SPTBN4: variants seen among roughly 807,000 people sequenced by gnomAD.
The protein encoded by SPTBN4 is spectrin beta, non-erythrocytic 4.
Under a neutral mutation model 277.8 loss-of-function variants are expected in SPTBN4, and 96 were observed. The observed-to-expected ratio is 0.35, with a 90% CI of 0.29 to 0.41. SPTBN4 has a LOEUF of 0.41. Among genes scored for constraint, SPTBN4 ranks in the 10% least tolerant of loss-of-function variants. The pLI is 1.00. For synonymous variants in SPTBN4, 1,481 were observed against 1,580.3 expected (o/e 0.94, Z 1.49); for missense variants, 3,006 against 3,595.7 (o/e 0.84, Z 4.19).
intron 32 of SPTBN4, 129 bp from the exon 33 acceptor site, chr19:40,570,307 C>A: frequency 1.9e-6 from 1 of 520,294 alleles, no homozygotes; most frequent in Non-Finnish European, 3.2e-6. Context: ...CCCTGAGGTC[C>A]TCCCATACTC....
chr19:40,554,108 C>T lies in SPTBN4; in HGVS notation c.4675-39C>T, dbSNP rs988766070. The T allele has an allele frequency of 3.3e-5, 46 of 1,407,522 alleles. No individual in the cohort carries two copies. Among genetic ancestry groups the T allele is most frequent in the Non-Finnish European group, 3.9e-5 (43 of 1,092,822 alleles). 87.2% of individuals were successfully genotyped at this position (1,407,522 alleles called of 1,614,324 possible). On this transcript the variant is annotated intron_variant, in intron 22 of 35. Coordinates refer to ENST00000598249, the MANE Select transcript of SPTBN4 (RefSeq NM_020971.3). This position sits in a 1 kb window ranked among gnomAD's most constrained non-coding sequence, Gnocchi z 5.7. ...TGTGGTCTTGCAGGGCCTCGGAACG[C>T]CCCCTCTCCACCCACATCCCCTTAC...
intron 13 of SPTBN4, among the ~76,000 whole-genome samples, chr19:40,512,324 G>T (rs1417563834): frequency 6.6e-6 from 1 of 152,192 alleles, no homozygotes; most frequent in Non-Finnish European, 1.5e-5. Flanking sequence ...ACAGACCCAG[G>T]TCCTGCCCTT....
At chr19:40,558,522 A>G (rs960490683) in intron 26 of SPTBN4, among the ~76,000 whole-genome samples, 10 of 152,320 alleles carry the variant, frequency 6.6e-5, no homozygotes, top group African/African-American at 2.4e-4. Context: ...TCAGATGGAA[A>G]TGAAGCTGCA....
intron 5 of SPTBN4, among the ~76,000 whole-genome samples, chr19:40,493,989 T>C (rs2145834006): frequency 6.6e-6 from 1 of 152,276 alleles, no homozygotes; most frequent in South Asian, 2.1e-4. Flanking sequence ...CACAGGAAAG[T>C]TCAAAGTCCT....
At chr19:40,552,228 AG>A (rs2080925528) in intron 22 of SPTBN4, among the ~76,000 whole-genome samples, 1 of 151,812 alleles carries the variant, frequency 6.6e-6, no homozygotes, top group Non-Finnish European at 1.5e-5. Context: ...GGCCGAGGCG[AG>A]TGGATCACGA....
intron 17 of SPTBN4, among the ~76,000 whole-genome samples, chr19:40,527,854 G>A (rs1402950895): frequency 6.6e-6 from 1 of 152,078 alleles, no homozygotes; most frequent in East Asian, 1.9e-4. Context: ...TCAGGAGTTC[G>A]AGACCAGCCT....
chr19:40,481,871 G>A (rs975993370), intron 2 of SPTBN4, among the ~76,000 whole-genome samples: 9 of 151,970 alleles, frequency 5.9e-5, no homozygotes, highest in Non-Finnish European at 1.2e-4. Flanking sequence ...CAACGAAGAA[G>A]GTGAAGCACA....
chr19:40,526,409 T>G (rs1333642113), intron 17 of SPTBN4, among the ~76,000 whole-genome samples: 1 of 152,012 alleles, frequency 6.6e-6, no homozygotes, highest in Non-Finnish European at 1.5e-5. Flanking sequence ...TGACTTCAAG[T>G]GATCCACCTG....
At position 40,519,359 on chromosome 19, in the gene SPTBN4, G is replaced by A; in HGVS notation, c.2904-42G>A. Reference sequence around the variant, plus strand: ...TCGGCGGGCCCTCCGCGCCCAAGAGGAGTCCCTGTCCTCCTCAAGTCACTC... The same window carrying A: ...TCGGCGGGCCCTCCGCGCCCAAGAGAAGTCCCTGTCCTCCTCAAGTCACTC... On this transcript the variant is annotated intron_variant, in intron 15 of 35. Transcript: ENST00000598249. This position sits in a 1 kb window ranked among gnomAD's most constrained non-coding sequence, Gnocchi z 5.7. The A allele has an allele frequency of 1.4e-6, 2 of 1,441,864 alleles. No homozygotes were observed. The highest frequency in any genetic ancestry group is 1.8e-6 in the Non-Finnish European group (2 of 1,097,556). The allele number at this position is 1,441,864 out of a possible 1,614,324, so 89.3% of individuals were successfully genotyped here.
At chr19:40,499,110 C>T (rs1269504167) in intron 7 of SPTBN4, among the ~76,000 whole-genome samples, 2 of 151,856 alleles carry the variant, frequency 1.3e-5, no homozygotes, top group Non-Finnish European at 2.9e-5. Context: ...CTCACTGCAA[C>T]CTCCGCCTCC....
intron 17 of SPTBN4, among the ~76,000 whole-genome samples, chr19:40,525,356 T>C (rs928449000): frequency 6.8e-6 from 1 of 147,024 alleles, no homozygotes; most frequent in African/African-American, 2.5e-5. Flanking sequence ...GGGATCTTAC[T>C]CTGTTGCCCA....
intron 20 of SPTBN4, among the ~76,000 whole-genome samples, chr19:40,541,336 C>T (rs1298729010): frequency 6.6e-6 from 1 of 152,162 alleles, no homozygotes; most frequent in Non-Finnish European, 1.5e-5. Context: ...TGATGGGTGC[C>T]AGAGGCAGGC....
intron 18 of SPTBN4, among the ~76,000 whole-genome samples, chr19:40,529,663 G>A (rs1326614624): frequency 6.6e-6 from 1 of 152,138 alleles, no homozygotes; most frequent in East Asian, 1.9e-4. Flanking sequence ...TTCCTTATTA[G>A]TGACGGTTCA....
intron 19 of SPTBN4, among the ~76,000 whole-genome samples, chr19:40,533,289 C>A (rs1364353272): frequency 6.6e-6 from 1 of 152,116 alleles, no homozygotes; most frequent in Non-Finnish European, 1.5e-5. Context: ...ACTTCCTGGG[C>A]TCTGTGCACA....
Position 40,570,422 on chromosome 19 carries a change from C to A in SPTBN4, c.7027-14C>A. On this transcript the variant is annotated splice_polypyrimidine_tract_variant and intron_variant, in intron 32 of 35. Coordinates refer to ENST00000598249, the MANE Select transcript of SPTBN4 (RefSeq NM_020971.3). ...TCCATGGACAGCACCCCTCTTCCCC[C>A]TCCCTTCACACAGCCGTCGCTGCCT... 2 of 1,553,004 alleles carry A rather than the reference C, an allele frequency of 1.3e-6. No individual in the cohort carries two copies. Among genetic ancestry groups the A allele is most frequent in the African/African-American group, 1.4e-5 (1 of 71,208 alleles).
chr19:40,554,206 G>GGGCGCGCT lies in SPTBN4; in HGVS notation c.4739_4746dup (p.Ser1583ArgfsTer65). On this transcript the variant is annotated frameshift_variant, in exon 23 of 36. Coordinates refer to ENST00000598249, the MANE Select transcript of SPTBN4 (RefSeq NM_020971.3). LOFTEE classifies it high-confidence loss of function. The surrounding 1 kb of genome is among the most constrained non-coding windows in gnomAD (Gnocchi z 5.7). ...GCCTGGAGGAGGTGCTGGAGCGCGC[G>GGGCGCGCT]GGCGCGCTGGCGTCGCTGCGCAGCC... is the stretch of plus-strand genomic sequence containing the variant. The GGGCGCGCT allele has an allele frequency of 6.7e-7, 1 of 1,483,034 alleles. No homozygotes were observed. Among genetic ancestry groups the GGGCGCGCT allele is most frequent in the Non-Finnish European group, 8.9e-7 (1 of 1,129,210 alleles). The allele number at this position is 1,483,034 out of a possible 1,614,324, so 91.9% of individuals were successfully genotyped here.
Position 40,506,304 on chromosome 19 carries a change from A to T in SPTBN4, c.1734A>T (p.Gly578=), listed in dbSNP as rs1178328444. ...CAGACGACCTGTTGCAGAAGCATGG[A>T]CTGCTGGAGGGAGACATTGCCGCCC... ...VEADDLLQKH[G]LLEGDIAAQS... The change falls in exon 13 of 36, where the codon GGA becomes GGT. Residue 578 remains glycine (G), a synonymous_variant. Transcript: ENST00000598249. The T allele has an allele frequency of 1.2e-6, 2 of 1,613,884 alleles. No homozygotes were observed. The highest frequency in any genetic ancestry group is 1.7e-6 in the Non-Finnish European group (2 of 1,179,886).
Position 40,560,213 on chromosome 19 carries a change from C to T in SPTBN4, c.5725C>T (p.His1909Tyr), listed in dbSNP as rs1271831598. Residue 1909 changes from histidine (H) to tyrosine (Y), a missense_variant, in exon 27 of 36, where the codon CAT becomes TAT. Physicochemically the swap from His to Tyr is moderately conservative, Grantham distance 83. Around this residue, in one of 5 missense-constraint regions of SPTBN4, gnomAD observed 425 missense variants for 594.7 expected, o/e 0.71. Transcript: ENST00000598249. The surrounding 1 kb of genome is among the most constrained non-coding windows in gnomAD (Gnocchi z 5.2). ...AQLRTVYAGE[H>Y]AEAIASREQE... The stretch of plus-strand genomic sequence containing the variant: ...GCTGCGGACGGTGTATGCGGGTGAA[C>T]ATGCCGAGGCCATCGCTAGCCGGGA... 1.9e-6 allele frequency: 3 copies of T among 1,607,252 alleles called. No individual in the cohort carries two copies. In the Admixed American group the frequency reaches 5.0e-5, roughly 27 times the overall value.
At chr19:40,497,287 G>A (rs918238025) in intron 6 of SPTBN4, 4 of 575,950 alleles carry the variant, frequency 6.9e-6, no homozygotes, top group South Asian at 2.0e-5. Flanking sequence ...ACACATTCCC[G>A]GGAACGCACA....
Sources: gnomAD v4.1 joint callset for allele counts (sites outside exome capture counted in the v4.1 genomes callset) on GRCh38, gnomAD v4.1.1 for gene constraint, gnomAD v4.1.1 regional missense constraint, Gnocchi (gnomAD v3.1) non-coding constraint, MANE v1.5 for transcripts, NCBI Gene and HGNC (gene_info 2026-07-23, HGNC 2026-07-21) for gene names.